Variants in VAT1L observed in about 807,000 individuals in gnomAD.
VAT1L encodes vesicle amine transport 1 like, also known as putative NADPH-dependent quinone oxidoreductase VAT1L.
A neutral mutation model predicts 44.1 loss-of-function variants in VAT1L; 34 were observed. That is an observed-to-expected ratio of 0.77 (90% CI 0.59 to 1.03). The LOEUF is 1.03. Ranked by LOEUF, VAT1L falls within the 50% of genes least tolerant of loss-of-function variation. The probability of loss-of-function intolerance (pLI) is 0.00; values close to 1 mark genes in which losing one functional copy is unlikely to be tolerated. For missense variants in VAT1L, 615 were observed against 538.8 expected (o/e 1.14, Z -1.40); for synonymous variants, 253 against 202.2 (o/e 1.25, Z -2.13).
chr16:77,788,605 C>A lies in VAT1L; in HGVS notation c.-78C>A. On this transcript the variant is annotated 5_prime_UTR_variant, in exon 1 of 9. Coordinates refer to ENST00000302536, the MANE Select transcript of VAT1L (RefSeq NM_020927.3). ...TCCCACATTCAACAGGAGGAACCCGCGGGAGAGGAGCCCCACTCCCCCAGC... is the reference window on the plus strand; with the variant it reads ...TCCCACATTCAACAGGAGGAACCCGAGGGAGAGGAGCCCCACTCCCCCAGC... 3 of 1,477,596 alleles carry A rather than the reference C, an allele frequency of 2.0e-6. No homozygotes were observed. The highest frequency in any genetic ancestry group is 1.8e-6 in the Non-Finnish European group (2 of 1,091,548). The allele number at this position is 1,477,596 out of a possible 1,614,324, so 91.5% of individuals were successfully genotyped here. A position where few individuals can be genotyped will look rare whatever the true frequency, so the allele number is the denominator to read the frequency against.
intron 8 of VAT1L, 71 bp from the exon 9 acceptor site, chr16:77,977,526 C>G (rs1351579534): frequency 6.6e-7 from 1 of 1,505,680 alleles, no homozygotes; most frequent in Admixed American, 1.8e-5. Context: ...TCCCATAGGA[C>G]TCTGTCAGAT....
intron 7 of VAT1L, among the ~76,000 whole-genome samples, chr16:77,901,520 G>C (rs1020386998): frequency 6.6e-5 from 10 of 152,074 alleles, no homozygotes; most frequent in African/African-American, 2.4e-4. Flanking sequence ...TCCTCCGTTA[G>C]TCACAGAATC....
chr16:77,956,966 C>A (rs1420594304), intron 7 of VAT1L, among the ~76,000 whole-genome samples: 1 of 152,028 alleles, frequency 6.6e-6, no homozygotes, highest in Non-Finnish European at 1.5e-5. Context: ...CTAAAAATAC[C>A]ACCTATTCCT....
At chr16:77,861,131 A>T (rs558008851) in intron 3 of VAT1L, among the ~76,000 whole-genome samples, 1 of 152,326 alleles carries the variant, frequency 6.6e-6, no homozygotes, top group South Asian at 2.1e-4. Context: ...GGGTGATAAG[A>T]TGACATTTCC....
chr16:77,972,680 C>G (rs2018293199), intron 8 of VAT1L, among the ~76,000 whole-genome samples: 1 of 151,974 alleles, frequency 6.6e-6, no homozygotes, highest in African/African-American at 2.4e-5. Flanking sequence ...ACTGGGGAGG[C>G]TGAGGCAGGA....
intron 1 of VAT1L, among the ~76,000 whole-genome samples, chr16:77,806,658 T>C (rs2016165975): frequency 6.6e-6 from 1 of 152,260 alleles, no homozygotes; most frequent in Non-Finnish European, 1.5e-5. Context: ...TCTTTATTTT[T>C]CTAATCTTCA....
intron 3 of VAT1L, among the ~76,000 whole-genome samples, chr16:77,837,534 C>T (rs1037339136): frequency 6.6e-6 from 1 of 152,154 alleles, no homozygotes; most frequent in Non-Finnish European, 1.5e-5. Context: ...CAGTACCCAG[C>T]ACATTGGTGC....
At chr16:77,844,426 T>C (rs1472020170) in intron 3 of VAT1L, among the ~76,000 whole-genome samples, 1 of 152,256 alleles carries the variant, frequency 6.6e-6, no homozygotes, top group East Asian at 1.9e-4. Context: ...TTATTTTTTC[T>C]GAGATGGAGT....
chr16:77,913,424 C>T (rs1410459326), intron 7 of VAT1L, among the ~76,000 whole-genome samples: 6 of 152,020 alleles, frequency 3.9e-5, no homozygotes, highest in Admixed American at 1.3e-4. Flanking sequence ...TTCTACCAAA[C>T]CCACTCTTGT....
intron 3 of VAT1L, among the ~76,000 whole-genome samples, chr16:77,852,571 A>G (rs938000626): frequency 2.4e-4 from 37 of 152,098 alleles, no homozygotes; most frequent in African/African-American, 5.8e-4. Flanking sequence ...GTTTCCAATG[A>G]TCCTGGCAAG....
At chr16:77,860,327 A>G (rs1367582713) in intron 3 of VAT1L, among the ~76,000 whole-genome samples, 2 of 152,156 alleles carry the variant, frequency 1.3e-5, no homozygotes, top group African/African-American at 4.8e-5. Flanking sequence ...GTTGAGTGTG[A>G]TGTGTCGCTT....
chr16:77,858,770 A>G (rs1378596585), intron 3 of VAT1L, among the ~76,000 whole-genome samples: 2 of 152,162 alleles, frequency 1.3e-5, no homozygotes, highest in African/African-American at 4.8e-5. Flanking sequence ...TGGGAAGCCA[A>G]GATTGATTAC....
At chr16:77,859,272 C>A in intron 3 of VAT1L, among the ~76,000 whole-genome samples, 1 of 152,090 alleles carries the variant, frequency 6.6e-6, no homozygotes. Flanking sequence ...TACACTCCAA[C>A]CTGACAGAGT....
intron 1 of VAT1L, among the ~76,000 whole-genome samples, chr16:77,797,222 C>T (rs1253659923): frequency 1.3e-5 from 2 of 151,902 alleles, no homozygotes; most frequent in African/African-American, 4.8e-5. Context: ...AGTGATTTTC[C>T]TGCCTCAGCC....
At chr16:77,918,832 C>T (rs577230937) in intron 7 of VAT1L, among the ~76,000 whole-genome samples, 3 of 152,170 alleles carry the variant, frequency 2.0e-5, no homozygotes, top group South Asian at 4.2e-4. Context: ...AGGTTCAGAA[C>T]GCATAGCAGA....
At chr16:77,893,235 G>A (rs1048685240) in intron 7 of VAT1L, among the ~76,000 whole-genome samples, 6 of 152,170 alleles carry the variant, frequency 3.9e-5, no homozygotes, top group Non-Finnish European at 8.8e-5. Flanking sequence ...TGGCAATTTT[G>A]GGGGCATGAA....
At chr16:77,895,100 C>CACACACACACACACACACACACACACA (rs2017308314) in intron 7 of VAT1L, among the ~76,000 whole-genome samples, 75 of 145,252 alleles carry the variant, frequency 5.2e-4, no homozygotes, top group African/African-American at 1.9e-3. Flanking sequence ...AGCCACTTGC[C>CACACACACACACACACACACACACACA]CACACACACA....
intron 7 of VAT1L, among the ~76,000 whole-genome samples, chr16:77,933,390 CCATT>C (rs1307306527): frequency 6.6e-6 from 1 of 152,178 alleles, no homozygotes. Flanking sequence ...AATCAGAAAT[CCATT>C]CATTCATTTG....
intron 7 of VAT1L, among the ~76,000 whole-genome samples, chr16:77,910,271 C>A (rs891653592): frequency 2.2e-4 from 34 of 152,134 alleles, no homozygotes; most frequent in Non-Finnish European, 5.9e-5. Context: ...CGTGAAGGGA[C>A]ATTTCACAGA....
Sources: gnomAD v4.1 joint callset for allele counts (sites outside exome capture counted in the v4.1 genomes callset) on GRCh38, gnomAD v4.1.1 for gene constraint, MANE v1.5 for transcripts, NCBI Gene and HGNC (gene_info 2026-07-23, HGNC 2026-07-21) for gene names.